DCUN1D4: variants seen among roughly 807,000 people sequenced by gnomAD.
DCUN1D4 encodes defective in cullin neddylation 1 domain containing 4.
In DCUN1D4, 22 loss-of-function variants were observed where a neutral mutation model predicts 47.9. The observed-to-expected ratio is 0.46, with a 90% CI of 0.33 to 0.66. DCUN1D4 has a LOEUF of 0.66. Ranked by LOEUF, DCUN1D4 falls within the 30% of genes least tolerant of loss-of-function variation. The pLI, the probability that DCUN1D4 is intolerant of heterozygous loss-of-function variation, is 0.02. For missense variants in DCUN1D4, 301 were observed against 340.8 expected, an observed-to-expected ratio of 0.88 and a Z score of 0.92; for synonymous variants, 121 against 112.2, an observed-to-expected ratio of 1.08 and a Z score of -0.50.
intron 8 of DCUN1D4, among the ~76,000 whole-genome samples, chr4:51,900,139 T>C (rs983756592): frequency 3.3e-5 from 5 of 151,616 alleles, no homozygotes; most frequent in Non-Finnish European, 5.9e-5. Context: ...TTTTAAATTA[T>C]TTTTTTTTAA....
the DCUN1D4 span, among the ~76,000 whole-genome samples, chr4:51,834,093 TTTC>T: frequency 1.4e-5 from 2 of 138,008 alleles, no homozygotes; most frequent in East Asian, 2.2e-4. Flanking sequence ...TCTCTTTTCT[TTTC>T]TTCTTTCTTT....
intron 6 of DCUN1D4, among the ~76,000 whole-genome samples, chr4:51,888,260 G>A (rs1246970314): frequency 6.6e-6 from 1 of 152,206 alleles, no homozygotes; most frequent in Non-Finnish European, 1.5e-5. Context: ...TTGCTGGTAT[G>A]TGAGGGATTA....
intron 1 of DCUN1D4, chr4:51,843,557 A>G: frequency 4.9e-6 from 6 of 1,227,670 alleles, no homozygotes; most frequent in Non-Finnish European, 5.1e-6. Context: ...ACGTGCGATG[A>G]AGGGCCGAGA....
intron 1 of DCUN1D4, chr4:51,860,531 A>C (rs542561142): frequency 4.4e-6 from 2 of 452,990 alleles, no homozygotes; most frequent in Non-Finnish European, 8.8e-6. Context: ...TAATTGACTC[A>C]CGGTTCTGCA....
At chr4:51,871,401 A>G (rs1336607688) in intron 3 of DCUN1D4, among the ~76,000 whole-genome samples, 1 of 152,254 alleles carries the variant, frequency 6.6e-6, no homozygotes, top group Non-Finnish European at 1.5e-5. Context: ...CAAACGTTGT[A>G]CAGTGTGTGT....
At chr4:51,860,734 C>A in intron 1 of DCUN1D4, 1 of 431,172 alleles carries the variant, frequency 2.3e-6, no homozygotes, top group South Asian at 1.7e-5. Flanking sequence ...TCAAAGACAG[C>A]ACTAAGCCAT....
At chr4:51,843,144 C>T (rs1014670894), upstream of DCUN1D4, 141 of 1,503,792 alleles carry the variant, frequency 9.4e-5, no homozygotes, top group African/African-American at 1.3e-4. Context: ...TGCCCGGCGG[C>T]GGGTCCTCAG....
At chr4:51,893,191 C>T (rs1449255924) in intron 7 of DCUN1D4, among the ~76,000 whole-genome samples, 1 of 152,140 alleles carries the variant, frequency 6.6e-6, no homozygotes, top group Non-Finnish European at 1.5e-5. Flanking sequence ...CACATTCTTC[C>T]TTCTAACAAT....
chr4:51,902,397 C>CT (rs1732252901), intron 8 of DCUN1D4, among the ~76,000 whole-genome samples: 1 of 152,182 alleles, frequency 6.6e-6, no homozygotes, highest in South Asian at 2.1e-4. Flanking sequence ...TCTGTCACCT[C>CT]TGTCACTTTT....
chr4:51,848,601 T>C (rs1428290182), intron 1 of DCUN1D4, among the ~76,000 whole-genome samples: 1 of 152,254 alleles, frequency 6.6e-6, no homozygotes, highest in African/African-American at 2.4e-5. Context: ...TTGCTTTTTT[T>C]CTTTTGAAAT....
chr4:51,842,627 G>A (rs1262489410), upstream of DCUN1D4, among the ~76,000 whole-genome samples: 1 of 152,252 alleles, frequency 6.6e-6, no homozygotes, highest in Non-Finnish European at 1.5e-5. Context: ...CTGGACAAGT[G>A]TCGTGGGACA....
intron 1 of DCUN1D4, chr4:51,844,915 C>T (rs971323902): frequency 1.6e-5 from 16 of 985,438 alleles, no homozygotes; most frequent in Non-Finnish European, 1.9e-5. Context: ...CCGGCCAGCT[C>T]CTGCGCGCTC....
chr4:51,834,099 C>CTTTTTTTTTTTTTTTTTTTTTTTTTTTT, the DCUN1D4 span, among the ~76,000 whole-genome samples: 2 of 40,828 alleles, frequency 4.9e-5, no homozygotes, highest in African/African-American at 5.2e-4. Context: ...TTCTTTTCTT[C>CTTTTTTTTTTTTTTTTTTTTTTTTTTTT]TTTCTTTTTT....
At chr4:51,887,015 T>C (rs145910310) in intron 6 of DCUN1D4, 38 of 448,364 alleles carry the variant, frequency 8.5e-5, no homozygotes, top group Non-Finnish European at 1.2e-4. Flanking sequence ...CTAGGACTTA[T>C]AATTATTCAT....
chr4:51,882,222 C>G (rs893151290), intron 5 of DCUN1D4, among the ~76,000 whole-genome samples: 1 of 152,158 alleles, frequency 6.6e-6, no homozygotes, highest in Non-Finnish European at 1.5e-5. Flanking sequence ...CTTACATAAC[C>G]ACTGCAAAGG....
At chr4:51,855,884 A>C (rs1724061395) in intron 1 of DCUN1D4, among the ~76,000 whole-genome samples, 1 of 152,190 alleles carries the variant, frequency 6.6e-6, no homozygotes, top group South Asian at 2.1e-4. Context: ...GGAAGGAAAC[A>C]AGGCAAATCT....
At chr4:51,847,599 C>G (rs1722750300) in intron 1 of DCUN1D4, among the ~76,000 whole-genome samples, 1 of 151,886 alleles carries the variant, frequency 6.6e-6, no homozygotes, top group African/African-American at 2.4e-5. Context: ...TTATAATAAC[C>G]AGCAATACAT....
chr4:51,840,198 T>C (rs1173289578), upstream of DCUN1D4, among the ~76,000 whole-genome samples: 2 of 152,006 alleles, frequency 1.3e-5, no homozygotes, highest in African/African-American at 2.4e-5. Flanking sequence ...TACAGAAGTA[T>C]AACATTATTA....
Position 51,855,460 on chromosome 4 carries a change from G to C in DCUN1D4, c.26-7977G>C, listed in dbSNP as rs141382629. Among the ~76,000 whole-genome samples the C allele has an allele frequency of 8.5e-5, 13 of 152,276 alleles. No individual in the cohort carries two copies. The East Asian group carries it at 2.3e-3, about 27-fold the overall frequency. The stretch of plus-strand genomic sequence containing the variant: ...AAATCCACTGGGAGATGGAGGTACT[G>C]TTTTGCATAAAGAAGTTAGATGAGA... On this transcript the variant is annotated intron_variant, in intron 1 of 10. Coordinates refer to ENST00000334635, the MANE Select transcript of DCUN1D4 (RefSeq NM_001040402.3).
Sources: gnomAD v4.1 joint callset for allele counts (sites outside exome capture counted in the v4.1 genomes callset) on GRCh38, gnomAD v4.1.1 for gene constraint, MANE v1.5 for transcripts, NCBI Gene and HGNC (gene_info 2026-07-23, HGNC 2026-07-21) for gene names.